POLN: variants seen among roughly 807,000 people sequenced by gnomAD.
POLN encodes the protein DNA polymerase nu.
Under a neutral mutation model 113.5 loss-of-function variants are expected in POLN, and 108 were observed. The observed-to-expected ratio is 0.95, with a 90% CI of 0.81 to 1.12. POLN has a LOEUF of 1.12. Among genes scored for constraint, POLN ranks in the 50% most tolerant of loss-of-function variants. POLN has a pLI of 0.00. For synonymous variants in POLN, 386 were observed against 391.5 expected, an observed-to-expected ratio of 0.99 and a Z score of 0.17; for missense variants, 1,097 against 1,077.1, an observed-to-expected ratio of 1.02 and a Z score of -0.26.
chr4:2,201,277 C>CAAAAAAA lies in POLN; in HGVS notation c.715-2567_715-2561dup, dbSNP rs35399602. 4.2e-3 allele frequency among the ~76,000 whole-genome samples: 66 copies of CAAAAAAA among 15,834 alleles called. 25 individuals carry two copies. Among genetic ancestry groups the CAAAAAAA allele is most frequent in the African/African-American group, 0.016 (34 of 2,076 alleles). 10.4% of individuals were successfully genotyped at this position (15,834 alleles called of 152,430 possible). A position where few individuals can be genotyped will look rare whatever the true frequency, so the allele number is the denominator to read the frequency against. On this transcript the variant is annotated intron_variant, in intron 5 of 25. Coordinates refer to ENST00000511885, the MANE Select transcript of POLN (RefSeq NM_181808.4). Reference sequence around the variant, plus strand: ...GTGAGACTCTGTCCCCCTACCACTCCAAAAAAAAAAAAAAAAAAAAAAAAA... The same window carrying CAAAAAAA: ...GTGAGACTCTGTCCCCCTACCACTCCAAAAAAAAAAAAAAAAAAAAAAAAAAAAAAAA...
At chr4:2,129,361 A>C in intron 17 of POLN, 105 bp from the exon 18 acceptor site, 1 of 725,998 alleles carries the variant, frequency 1.4e-6, no homozygotes, top group Non-Finnish European at 2.3e-6. Flanking sequence ...TCCAGAGTTA[A>C]GATTTTAAAT....
rs781345096 is a variant in POLN at position 2,095,837 on chromosome 4, G to A, written c.2065+14C>T. ...AGGTAACCCCGAGACCCCAGCTCCC[G>A]GCCCGCAGCCTACCTGCTCCATAGA... On this transcript the variant is annotated intron_variant, in intron 20 of 25. Transcript: ENST00000511885. 3.8e-5 allele frequency: 62 copies of A among 1,613,356 alleles called. No individual in the cohort carries two copies. The East Asian group carries it at 7.4e-4, about 19-fold the overall frequency.
Position 2,081,754 on chromosome 4 carries a change from C to G in POLN, c.2198-11G>C. ...TGGACACCACACAGCCTGAGTCACA[C>G]AGAGCAAAAGTAGATGAGGGACAGA... is the stretch of plus-strand genomic sequence containing the variant. On this transcript the variant is annotated splice_polypyrimidine_tract_variant and intron_variant, in intron 21 of 25. Transcript: ENST00000511885. 1 of 1,612,534 alleles carries G rather than the reference C, an allele frequency of 6.2e-7. No individual in the cohort carries two copies. Among genetic ancestry groups the G allele is most frequent in the Non-Finnish European group, 8.5e-7 (1 of 1,178,736 alleles).
chr4:2,194,792 G>T (rs939841814), intron 6 of POLN, among the ~76,000 whole-genome samples: 14 of 152,112 alleles, frequency 9.2e-5, no homozygotes, highest in Admixed American at 9.2e-4. Context: ...CTGGGGTGAG[G>T]TTGCTGAGGA....
At chr4:2,164,835 A>C (rs984436882) in intron 13 of POLN, among the ~76,000 whole-genome samples, 1 of 142,616 alleles carries the variant, frequency 7.0e-6, no homozygotes, top group Non-Finnish European at 1.5e-5. Flanking sequence ...AAAAAAAAAA[A>C]AAAAAAAGAG....
chr4:2,190,366 T>C (rs1482408110), intron 7 of POLN, among the ~76,000 whole-genome samples: 3 of 151,916 alleles, frequency 2.0e-5, no homozygotes, highest in Non-Finnish European at 2.9e-5. Flanking sequence ...TCTCACCATA[T>C]ACAAAAATCA....
chr4:2,214,925 A>G (rs1383521623), intron 3 of POLN, among the ~76,000 whole-genome samples: 1 of 151,778 alleles, frequency 6.6e-6, no homozygotes, highest in African/African-American at 2.4e-5. Flanking sequence ...ATACATATAT[A>G]TGTATATACC....
Position 2,093,911 on chromosome 4 carries a change from A to G in POLN, c.2065+1940T>C, listed in dbSNP as rs536467133. Among the ~76,000 whole-genome samples the G allele has an allele frequency of 2.5e-4, 38 of 152,362 alleles. 2 individuals carry two copies. In the South Asian group the frequency reaches 7.7e-3, roughly 31 times the overall value. On this transcript the variant is annotated intron_variant, in intron 20 of 25. Transcript: ENST00000511885. This position sits in a 1 kb window ranked among gnomAD's most constrained non-coding sequence, Gnocchi z 4.1. ...TTCCTGTGTCTTCTCTGTGCCAGGC[A>G]GTGAGCTAACGTGATGAGCTCCTAT... is the stretch of plus-strand genomic sequence containing the variant.
intron 19 of POLN, among the ~76,000 whole-genome samples, chr4:2,098,647 C>G (rs763459228): frequency 1.3e-5 from 2 of 152,136 alleles, no homozygotes; most frequent in Admixed American, 6.5e-5. Context: ...AGAGAAATAT[C>G]TAAAGATGTG....
chr4:2,222,712 T>A (rs1179283970), intron 3 of POLN, among the ~76,000 whole-genome samples: 4 of 125,888 alleles, frequency 3.2e-5, no homozygotes, highest in Admixed American at 7.7e-5. Flanking sequence ...TTTTTTTTTT[T>A]ATTTTTCCAC....
chr4:2,173,930 C>T (rs1356434277), intron 11 of POLN, 25 bp downstream of exon 11: 3 of 1,610,188 alleles, frequency 1.9e-6, no homozygotes, highest in Admixed American at 1.7e-5. Flanking sequence ...ATGGCCAGTA[C>T]AAACCATCTG....
At chr4:2,082,914 G>C (rs1730455459) in intron 21 of POLN, 1 of 152,186 alleles carries the variant, frequency 6.6e-6, no homozygotes, top group African/African-American at 2.4e-5. Context: ...CCCTTTTGAG[G>C]TTTGCTTCTA....
rs1200769990 is a variant in POLN, at chr4:2,127,192, C to T, written c.1982+921G>A. 6.6e-6 allele frequency among the ~76,000 whole-genome samples: 1 copy of T among 151,430 alleles called. No individual in the cohort carries two copies. Among genetic ancestry groups the T allele is most frequent in the Non-Finnish European group, 1.5e-5 (1 of 67,850 alleles). ...GGGCCGTAGGGGGAGCAGAAGAGGC[C>T]CAAGGTGATGGGGAGGTGGCACCTG... On this transcript the variant is annotated intron_variant, in intron 19 of 25. Transcript: ENST00000511885. The surrounding 1 kb of genome is among the most constrained non-coding windows in gnomAD (Gnocchi z 4.7).
chr4:2,124,393 A>G (rs1375701252), intron 19 of POLN, among the ~76,000 whole-genome samples: 1 of 152,108 alleles, frequency 6.6e-6, no homozygotes, highest in Admixed American at 6.5e-5. Flanking sequence ...TAGCCTCCCA[A>G]GCAGCCAGGA....
At chr4:2,122,922 G>A (rs1305005538) in intron 19 of POLN, among the ~76,000 whole-genome samples, 1 of 152,004 alleles carries the variant, frequency 6.6e-6, no homozygotes, top group Non-Finnish European at 1.5e-5. Flanking sequence ...GGAGGCCAAG[G>A]AGGGAGGATT....
At chr4:2,226,367 C>T (rs1044393344) in intron 3 of POLN, among the ~76,000 whole-genome samples, 23 of 152,134 alleles carry the variant, frequency 1.5e-4, no homozygotes, top group African/African-American at 5.1e-4. Flanking sequence ...AATGAGTAAT[C>T]GCTGCCAAAA....
Position 2,080,634 on chromosome 4 carries a change from C to T in POLN, c.2387+324G>A, listed in dbSNP as rs7672225. On this transcript the variant is annotated intron_variant, in intron 23 of 25. Coordinates refer to ENST00000511885, the MANE Select transcript of POLN (RefSeq NM_181808.4). ...AGTCCCCAGGGTCCTGCTCAAGGGG[C>T]TGAGGGGTTCGCCTGCCTCTGGGGT... 5.3e-4 allele frequency: 667 copies of T among 1,262,734 alleles called. 4 individuals are homozygous for T. The African/African-American group carries it at 9.2e-3, about 17-fold the overall frequency. 78.2% of individuals were successfully genotyped at this position (1,262,734 alleles called of 1,614,324 possible). A position where few individuals can be genotyped will look rare whatever the true frequency, so the allele number is the denominator to read the frequency against.
chr4:2,122,190 C>T (rs944031526), intron 19 of POLN, among the ~76,000 whole-genome samples: 3 of 152,094 alleles, frequency 2.0e-5, no homozygotes, highest in East Asian at 3.9e-4. Context: ...ACTAAGGTGG[C>T]AACAAAGCTC....
At chr4:2,202,197 T>C (rs1577767275) in intron 5 of POLN, among the ~76,000 whole-genome samples, 1 of 152,272 alleles carries the variant, frequency 6.6e-6, no homozygotes, top group East Asian at 1.9e-4. Context: ...CACATCTCAA[T>C]ACTAACGTTG....
Sources: allele counts gnomAD v4.1 joint callset (sites outside exome capture counted in the v4.1 genomes callset), GRCh38; gene constraint gnomAD v4.1.1; non-coding constraint Gnocchi (gnomAD v3.1); transcripts MANE v1.5; gene names NCBI Gene and HGNC (gene_info 2026-07-23, HGNC 2026-07-21).